VTI1A: variants seen among roughly 807,000 people sequenced by gnomAD.
The protein encoded by VTI1A is vesicle transport through interaction with t-SNAREs 1A, also known as vesicle transport through interaction with t-SNAREs homolog 1A.
A neutral mutation model predicts 34.9 loss-of-function variants in VTI1A; 22 were observed. The ratio of observed to expected loss-of-function variants is 0.63; its 90% CI spans 0.45 to 0.90. VTI1A has a LOEUF of 0.90. Among genes scored for constraint, VTI1A ranks in the 40% least tolerant of loss-of-function variants. VTI1A has a pLI of 0.00. For missense variants in VTI1A, 268 were observed against 275.6 expected, an observed-to-expected ratio of 0.97 and a Z score of 0.20; for synonymous variants, 87 against 97.3, an observed-to-expected ratio of 0.89 and a Z score of 0.62.
At chr10:112,517,113 G>A (rs747507072) in intron 3 of VTI1A, among the ~76,000 whole-genome samples, 24 of 152,026 alleles carry the variant, frequency 1.6e-4, no homozygotes, top group Non-Finnish European at 3.2e-4. Flanking sequence ...TGGGCAGATC[G>A]TGAGAGAAGT....
intron 7 of VTI1A, among the ~76,000 whole-genome samples, chr10:112,703,019 A>T (rs1849066559): frequency 6.6e-6 from 1 of 152,184 alleles, no homozygotes; most frequent in African/African-American, 2.4e-5. Context: ...TGATTTTTTT[A>T]ATCAATGACT....
At chr10:112,770,975 A>C (rs986404259) in intron 7 of VTI1A, among the ~76,000 whole-genome samples, 1 of 152,136 alleles carries the variant, frequency 6.6e-6, no homozygotes, top group Non-Finnish European at 1.5e-5. Flanking sequence ...GCTTCTCTCT[A>C]AAGACATTTC....
chr10:112,721,859 T>C (rs897912425), intron 7 of VTI1A, among the ~76,000 whole-genome samples: 1 of 152,200 alleles, frequency 6.6e-6, no homozygotes, highest in African/African-American at 2.4e-5. Context: ...CCTCTTGTCA[T>C]TGAACTGTTC....
At chr10:112,610,588 T>G (rs1381354426) in intron 5 of VTI1A, among the ~76,000 whole-genome samples, 2 of 152,204 alleles carry the variant, frequency 1.3e-5, no homozygotes, top group Admixed American at 1.3e-4. Context: ...CTTTGATAGC[T>G]TATTACTCAG....
At chr10:112,661,859 G>T (rs1407246946) in intron 5 of VTI1A, among the ~76,000 whole-genome samples, 3 of 144,342 alleles carry the variant, frequency 2.1e-5, no homozygotes, top group African/African-American at 5.1e-5. Flanking sequence ...CCACCACCTC[G>T]CAGGTTCAAG....
At chr10:112,821,489 G>T (rs1048739072), downstream of VTI1A, among the ~76,000 whole-genome samples, 1 of 151,990 alleles carries the variant, frequency 6.6e-6, no homozygotes, top group South Asian at 2.1e-4. Flanking sequence ...ATGTTTTTTC[G>T]TGACGAGGCC....
intron 5 of VTI1A, among the ~76,000 whole-genome samples, chr10:112,628,633 AGTTT>A (rs1305952147): frequency 2.0e-5 from 3 of 152,076 alleles, no homozygotes; most frequent in Non-Finnish European, 4.4e-5. Flanking sequence ...ATCCAGTTTG[AGTTT>A]GTTTATTTTT....
intron 7 of VTI1A, among the ~76,000 whole-genome samples, chr10:112,717,541 A>G (rs964963462): frequency 5.3e-5 from 8 of 152,056 alleles, no homozygotes; most frequent in African/African-American, 1.9e-4. Flanking sequence ...TCTTTCTGTC[A>G]TTAGTCAAAA....
Position 112,554,585 on chromosome 10 carries a change from C to T in VTI1A, c.427+16255C>T, listed in dbSNP as rs181288625. ...TTTCAACAAAAGGACATTGCAATCA[C>T]AGTAGTCTTCATATTTATTGAGTAC... On this transcript the variant is annotated intron_variant, in intron 5 of 7. Coordinates refer to ENST00000393077, the MANE Select transcript of VTI1A (RefSeq NM_145206.4). 3.9e-5 allele frequency among the ~76,000 whole-genome samples: 6 copies of T among 152,210 alleles called. No homozygotes were observed. In the East Asian group the frequency reaches 1.2e-3, roughly 29 times the overall value.
At chr10:112,472,327 T>G (rs1171337406) in intron 3 of VTI1A, among the ~76,000 whole-genome samples, 1 of 152,194 alleles carries the variant, frequency 6.6e-6, no homozygotes, top group Non-Finnish European at 1.5e-5. Context: ...AGAATGGCAC[T>G]TCTATTGACA....
At chr10:112,646,014 T>C (rs1346076913) in intron 5 of VTI1A, among the ~76,000 whole-genome samples, 1 of 148,006 alleles carries the variant, frequency 6.8e-6, no homozygotes, top group African/African-American at 2.5e-5. Flanking sequence ...CAGAATAGAA[T>C]GCTATCTTCT....
chr10:112,849,321 G>A, the VTI1A span, among the ~76,000 whole-genome samples: 1 of 152,194 alleles, frequency 6.6e-6, no homozygotes, highest in Non-Finnish European at 1.5e-5. Flanking sequence ...TTCACACATG[G>A]GCATTCATCC....
At chr10:112,745,758 T>C (rs1337729850) in intron 7 of VTI1A, among the ~76,000 whole-genome samples, 1 of 152,240 alleles carries the variant, frequency 6.6e-6, no homozygotes, top group Non-Finnish European at 1.5e-5. Context: ...CAAAGATATT[T>C]GGCCAAGTGA....
chr10:112,834,851 C>T, the VTI1A span, among the ~76,000 whole-genome samples: 3 of 152,194 alleles, frequency 2.0e-5, no homozygotes, highest in Admixed American at 6.5e-5. Context: ...ACATGAGTCT[C>T]TTCAGGGGCC....
chr10:112,511,714 C>T (rs1455650030), intron 3 of VTI1A, among the ~76,000 whole-genome samples: 1 of 152,108 alleles, frequency 6.6e-6, no homozygotes, highest in Non-Finnish European at 1.5e-5. Flanking sequence ...CTCCCTCCTC[C>T]TCCTCCTAAT....
intron 1 of VTI1A, among the ~76,000 whole-genome samples, chr10:112,454,156 C>G (rs1847345349): frequency 6.6e-6 from 1 of 152,170 alleles, no homozygotes; most frequent in Non-Finnish European, 1.5e-5. Context: ...TAAGTACATA[C>G]ATAATTTCTG....
chr10:112,528,702 C>CA (rs950385363), intron 4 of VTI1A, among the ~76,000 whole-genome samples: 1 of 151,778 alleles, frequency 6.6e-6, no homozygotes, highest in African/African-American at 2.4e-5. Context: ...ATCTTTTTTG[C>CA]AAAAAAGTGA....
chr10:112,584,826 T>C (rs1440238174), intron 5 of VTI1A, among the ~76,000 whole-genome samples: 1 of 152,202 alleles, frequency 6.6e-6, no homozygotes, highest in Non-Finnish European at 1.5e-5. Flanking sequence ...TGAGTTGGGA[T>C]AGCATATTCA....
At chr10:112,811,569 A>G (rs1448666763) in intron 7 of VTI1A, among the ~76,000 whole-genome samples, 4 of 151,560 alleles carry the variant, frequency 2.6e-5, no homozygotes, top group African/African-American at 9.7e-5. Context: ...CTGTAGTCCC[A>G]GCTACTCGGG....
Sources: gnomAD v4.1 joint callset for allele counts (sites outside exome capture counted in the v4.1 genomes callset) on GRCh38, gnomAD v4.1.1 for gene constraint, MANE v1.5 for transcripts, NCBI Gene and HGNC (gene_info 2026-07-23, HGNC 2026-07-21) for gene names.